Variants in TAF1 observed in about 807,000 individuals in gnomAD.
TAF1 encodes the protein TATA-box binding protein associated factor 1, also known as transcription initiation factor TFIID subunit 1.
A neutral mutation model predicts 138.5 loss-of-function variants in TAF1; 2 were observed. The ratio of observed to expected loss-of-function variants is 0.01; its 90% CI spans 0.01 to 0.05. The LOEUF is 0.05. Among genes scored for constraint, TAF1 ranks in the 10% least tolerant of loss-of-function variants. The pLI, the probability that TAF1 is intolerant of heterozygous loss-of-function variation, is 1.00. For synonymous variants in TAF1, 437 were observed against 503.2 expected (o/e 0.87, Z 1.76); for missense variants, 709 against 1,478.0 (o/e 0.48, Z 8.53).
intron 13 of TAF1, among the ~76,000 whole-genome samples, chrX:71,475,973 C>T (rs1287968158): frequency 9.0e-6 from 1 of 111,366 alleles, no homozygotes; most frequent in African/African-American, 3.3e-5. Flanking sequence ...CCCGCTTTCA[C>T]CATGTAACAT....
intron 32 of TAF1, among the ~76,000 whole-genome samples, chrX:71,426,001 T>G (rs1352458163): frequency 9.1e-6 from 1 of 109,704 alleles, no homozygotes; most frequent in Non-Finnish European, 1.9e-5. Context: ...AGCTCACACC[T>G]GTGATCCTAG....
At chrX:71,386,244 A>G (rs2034218694) in intron 14 of TAF1, among the ~76,000 whole-genome samples, 1 of 110,021 alleles carries the variant, frequency 9.1e-6, no homozygotes, top group Non-Finnish European at 1.9e-5. Flanking sequence ...TTTTCTTTCC[A>G]CACTCAGTGA....
chrX:71,407,472 C>T, intron 26 of TAF1, 102 bp from the exon 27 acceptor site: 1 of 738,594 alleles, frequency 1.4e-6, no homozygotes, highest in Non-Finnish European at 2.1e-6. Flanking sequence ...CCCACCTCAG[C>T]CTCCCAAAGT....
chrX:71,518,580 G>T (rs1045184535), intron 13 of TAF1, among the ~76,000 whole-genome samples: 20 of 110,885 alleles, frequency 1.8e-4, no homozygotes, highest in Non-Finnish European at 1.1e-4. Context: ...ACAGAGAAAA[G>T]GTGTTAATTA....
chrX:71,424,538 C>G (rs771890045), intron 32 of TAF1, among the ~76,000 whole-genome samples: 7 of 108,186 alleles, frequency 6.5e-5, no homozygotes, highest in Non-Finnish European at 1.1e-4. Context: ...TGAGCCAACA[C>G]GCCTAACCAG....
At chrX:71,447,728 C>T (rs1178221782) in intron 32 of TAF1, among the ~76,000 whole-genome samples, 9 of 109,440 alleles carry the variant, frequency 8.2e-5, no homozygotes, top group African/African-American at 3.0e-4. Flanking sequence ...ATAATGCTTG[C>T]TTTCCCCCCT....
intron 32 of TAF1, among the ~76,000 whole-genome samples, chrX:71,441,237 TTTA>T (rs1156889774): frequency 1.6e-4 from 18 of 110,407 alleles, no homozygotes; most frequent in African/African-American, 5.3e-4. Flanking sequence ...CAGTTTTTTT[TTTA>T]TTTTTTATTT....
chrX:71,385,064 C>T lies in TAF1; in HGVS notation c.2226+15C>T, dbSNP rs757963126. ...AATTGCTGCAAGTGAGGAATTCTTTCCTGTTTTTACTGTTAACTAAGGAAA... is the reference window on the plus strand; with the variant it reads ...AATTGCTGCAAGTGAGGAATTCTTTTCTGTTTTTACTGTTAACTAAGGAAA... On this transcript the variant is annotated intron_variant, in intron 14 of 37. Coordinates refer to ENST00000423759, the MANE Select transcript of TAF1 (RefSeq NM_004606.5). 4 of 1,143,150 alleles carry T rather than the reference C, an allele frequency of 3.5e-6. No individual in the cohort carries two copies. Among genetic ancestry groups the T allele is most frequent in the Middle Eastern group, 2.4e-4 (1 of 4,158 alleles). 94.2% of individuals were successfully genotyped at this position (1,143,150 alleles called of 1,213,427 possible). A position where few individuals can be genotyped will look rare whatever the true frequency, so the allele number is the denominator to read the frequency against.
chrX:71,501,062 CAAA>C (rs35676863), intron 13 of TAF1, among the ~76,000 whole-genome samples: 17 of 74,289 alleles, frequency 2.3e-4, no homozygotes, highest in Admixed American at 7.8e-4. Flanking sequence ...AGACTTCTCT[CAAA>C]AAAAAAAAAA....
chrX:71,507,241 A>G (rs1414933622), intron 13 of TAF1, among the ~76,000 whole-genome samples: 1 of 110,272 alleles, frequency 9.1e-6, no homozygotes, highest in Non-Finnish European at 1.9e-5. Context: ...TTTTACATCA[A>G]TTTTTTTTTA....
At chrX:71,492,999 C>T in intron 13 of TAF1, 1 of 111,386 alleles carries the variant, frequency 9.0e-6, no homozygotes, top group East Asian at 2.8e-4. Context: ...TGCTCCACTG[C>T]AAGTATTTTT....
At chrX:71,493,973 AAAAC>A (rs1231321904) in intron 13 of TAF1, among the ~76,000 whole-genome samples, 1 of 111,855 alleles carries the variant, frequency 8.9e-6, no homozygotes, top group Non-Finnish European at 1.9e-5. Flanking sequence ...ACCCTGTCTC[AAAAC>A]AAACAAATTT....
chrX:71,432,201 TGAG>T (rs2036925215), intron 32 of TAF1, among the ~76,000 whole-genome samples: 1 of 110,841 alleles, frequency 9.0e-6, no homozygotes, highest in Non-Finnish European at 1.9e-5. Flanking sequence ...GACAATATGT[TGAG>T]GGGATGAAGG....
intron 32 of TAF1, among the ~76,000 whole-genome samples, chrX:71,424,540 C>T (rs1423866375): frequency 9.3e-6 from 1 of 107,894 alleles, no homozygotes; most frequent in Non-Finnish European, 1.9e-5. Context: ...AGCCAACACG[C>T]CTAACCAGTA....
intron 16 of TAF1, 107 bp downstream of exon 16, chrX:71,388,485 T>G (rs2034372506): frequency 9.4e-7 from 1 of 1,068,579 alleles, no homozygotes; most frequent in Admixed American, 3.3e-5. Context: ...AATTGATGGC[T>G]GTTGAAAGGA....
rs768489593 is a variant in TAF1 at position 71,486,302 on chromosome X, G to A, written c.1366+25499G>A. ...GGGCTCAAAAGATCCCTTCTGCCTC[G>A]GCCTCCCAAAGTGCTGGGATTATAG... On this transcript the variant is annotated intron_variant and NMD_transcript_variant, in intron 13 of 14. Transcript: ENST00000373775. Among the ~76,000 whole-genome samples the A allele has an allele frequency of 2.8e-4, 31 of 110,928 alleles. 1 individual carries two copies. The highest frequency in any genetic ancestry group is 4.0e-4 in the Non-Finnish European group (21 of 52,980).
chrX:71,434,211 A>T (rs1032639631), intron 32 of TAF1, among the ~76,000 whole-genome samples: 1 of 112,045 alleles, frequency 8.9e-6, no homozygotes, highest in Non-Finnish European at 1.9e-5. Flanking sequence ...AAAATTTTTT[A>T]AATTAGCTGG....
At position 71,396,144 on chromosome X, in the gene TAF1, G is replaced by A. The variant is rs1207470281; in HGVS notation, c.3407-1109G>A. Among the ~76,000 whole-genome samples, 5 of 103,162 alleles carry A rather than the reference G, an allele frequency of 4.8e-5. No individual in the cohort carries two copies. The South Asian group carries it at 1.8e-3, about 37-fold the overall frequency. 89.6% of individuals were successfully genotyped at this position (103,162 alleles called of 115,157 possible). A position where few individuals can be genotyped will look rare whatever the true frequency, so the allele number is the denominator to read the frequency against. Reference sequence around the variant, plus strand: ...ACCCTGGGCGACAGAGTGAAACTCCGTCTCAAAAAAAAAAAAAATAACCTA... The same window carrying A: ...ACCCTGGGCGACAGAGTGAAACTCCATCTCAAAAAAAAAAAAAATAACCTA... On this transcript the variant is annotated intron_variant, in intron 22 of 37. Transcript: ENST00000423759.
chrX:71,478,722 A>G (rs2039022538), intron 13 of TAF1, among the ~76,000 whole-genome samples: 1 of 112,225 alleles, frequency 8.9e-6, no homozygotes, highest in Non-Finnish European at 1.9e-5. Flanking sequence ...GAAAAAAAAT[A>G]TGTAAGACAA....
Sources: gnomAD v4.1 joint callset for allele counts (sites outside exome capture counted in the v4.1 genomes callset) on GRCh38, gnomAD v4.1.1 for gene constraint, MANE v1.5 for transcripts, NCBI Gene and HGNC (gene_info 2026-07-23, HGNC 2026-07-21) for gene names.